Variants in PRMT8 observed in about 807,000 individuals in gnomAD.
PRMT8 encodes the protein protein arginine methyltransferase 8.
A neutral mutation model predicts 47.1 loss-of-function variants in PRMT8; 7 were observed. That is an observed-to-expected ratio of 0.15 (90% confidence interval 0.08 to 0.28). The LOEUF (loss-of-function observed/expected upper bound fraction) is 0.28. Among genes scored for constraint, PRMT8 ranks in the 10% least tolerant of loss-of-function variants. The probability of loss-of-function intolerance (pLI) is 1.00; values close to 1 mark genes in which losing one functional copy is unlikely to be tolerated. For missense variants in PRMT8, 237 were observed against 505.4 expected (o/e 0.47, Z 5.09); for synonymous variants, 188 against 186.5 (o/e 1.01, Z -0.07).
intron 7 of PRMT8, among the ~76,000 whole-genome samples, chr12:3,578,217 T>C (rs1011980327): frequency 4.6e-5 from 7 of 152,154 alleles, no homozygotes. Context: ...AACAGTTTCA[T>C]GTACCACAAG....
chr12:3,563,432 C>T (rs1184486392), intron 4 of PRMT8, among the ~76,000 whole-genome samples: 1 of 151,872 alleles, frequency 6.6e-6, no homozygotes. Flanking sequence ...TTCATGACAC[C>T]GGGGGCTCCC....
chr12:3,431,968 AT>A (rs1864684559), intron 1 of PRMT8, among the ~76,000 whole-genome samples: 1 of 152,212 alleles, frequency 6.6e-6, no homozygotes, highest in Admixed American at 6.5e-5. Context: ...AGGAGCAGGA[AT>A]TTTTGCTTAA....
intron 1 of PRMT8, among the ~76,000 whole-genome samples, chr12:3,427,406 C>T (rs1864616865): frequency 6.6e-6 from 1 of 151,902 alleles, no homozygotes; most frequent in Admixed American, 6.6e-5. Context: ...TGGATGATAC[C>T]CCTTTAACTT....
intron 1 of PRMT8, among the ~76,000 whole-genome samples, chr12:3,527,882 G>A (rs766188017): frequency 6.6e-5 from 10 of 151,612 alleles, no homozygotes; most frequent in East Asian, 5.8e-4. Flanking sequence ...TTACTTTACC[G>A]TCATTTCTGA....
At chr12:3,542,442 G>A (rs1192076765) in intron 2 of PRMT8, among the ~76,000 whole-genome samples, 3 of 152,334 alleles carry the variant, frequency 2.0e-5, no homozygotes, top group African/African-American at 7.2e-5. Flanking sequence ...TGGCCTGTGA[G>A]AGGCTCTTGG....
At chr12:3,470,115 A>T (rs1267797373) in intron 1 of PRMT8, among the ~76,000 whole-genome samples, 2 of 151,820 alleles carry the variant, frequency 1.3e-5, no homozygotes, top group Non-Finnish European at 2.9e-5. Context: ...ACGAATACAC[A>T]TAAAAAAAAA....
chr12:3,583,848 C>A lies in PRMT8; in HGVS notation c.979+640C>A, dbSNP rs144271378. Among the ~76,000 whole-genome samples the A allele has an allele frequency of 6.6e-6, 1 of 152,190 alleles. No individual in the cohort carries two copies. Among genetic ancestry groups the A allele is most frequent in the African/African-American group, 2.4e-5 (1 of 41,442 alleles). On this transcript the variant is annotated intron_variant, in intron 8 of 9. Transcript: ENST00000382622. The surrounding 1 kb of genome is among the most constrained non-coding windows in gnomAD (Gnocchi z 4.7). ...CTCATTCCTCACCACCCCTCTTGGC[C>A]GAGCCCTGTCCCGTCGCTGCTACCC...
intron 2 of PRMT8, among the ~76,000 whole-genome samples, chr12:3,549,463 C>T (rs1037247481): frequency 6.6e-6 from 1 of 151,614 alleles, no homozygotes; most frequent in South Asian, 2.1e-4. Context: ...CACTGCAAAG[C>T]CAATATGCTG....
At chr12:3,578,414 G>T (rs1344452198) in intron 7 of PRMT8, among the ~76,000 whole-genome samples, 3 of 151,690 alleles carry the variant, frequency 2.0e-5, no homozygotes, top group Admixed American at 2.0e-4. Context: ...TGTATTAATG[G>T]GGTTTGGCCA....
intron 1 of PRMT8, among the ~76,000 whole-genome samples, chr12:3,394,140 A>G (rs1300072703): frequency 6.7e-6 from 1 of 149,866 alleles, no homozygotes; most frequent in African/African-American, 2.4e-5. Flanking sequence ...TAGATATACA[A>G]TCATGTCCTC....
At chr12:3,394,853 G>T (rs1209821063) in intron 1 of PRMT8, among the ~76,000 whole-genome samples, 4 of 151,048 alleles carry the variant, frequency 2.6e-5, no homozygotes, top group African/African-American at 4.9e-5. Flanking sequence ...GACTCTTTTT[G>T]GTTGGTAAGC....
chr12:3,588,054 G>T (rs758939643), intron 8 of PRMT8, among the ~76,000 whole-genome samples: 4 of 152,208 alleles, frequency 2.6e-5, no homozygotes, highest in Non-Finnish European at 4.4e-5. Context: ...CCAGGTAGCA[G>T]GTGGAAGGGC....
At chr12:3,450,316 G>C (rs1290069478) in intron 1 of PRMT8, among the ~76,000 whole-genome samples, 1 of 152,160 alleles carries the variant, frequency 6.6e-6, no homozygotes, top group Non-Finnish European at 1.5e-5. Context: ...ACCCATATGA[G>C]ATTTTGTAAC....
chr12:3,562,828 C>T (rs938401288), intron 4 of PRMT8, among the ~76,000 whole-genome samples: 1 of 152,126 alleles, frequency 6.6e-6, no homozygotes, highest in Admixed American at 6.5e-5. Flanking sequence ...TATACATTCC[C>T]TCAGGTGGGA....
chr12:3,383,010 T>G (rs1298487667), intron 1 of PRMT8, among the ~76,000 whole-genome samples: 3 of 152,236 alleles, frequency 2.0e-5, no homozygotes, highest in Admixed American at 1.3e-4. Flanking sequence ...AAAAAATCAC[T>G]TATGCGTATT....
chr12:3,442,303 A>G (rs1650165104), intron 1 of PRMT8, among the ~76,000 whole-genome samples: 2 of 152,214 alleles, frequency 1.3e-5, no homozygotes, highest in Admixed American at 1.3e-4. Context: ...TTTGAACCGA[A>G]AAAACAGAAA....
chr12:3,527,662 A>G (rs1044489740), intron 1 of PRMT8, among the ~76,000 whole-genome samples: 3 of 152,140 alleles, frequency 2.0e-5, no homozygotes, highest in African/African-American at 7.2e-5. Context: ...AATTCTTACA[A>G]GATTTTTAAA....
At chr12:3,536,241 C>A (rs1866116147) in intron 1 of PRMT8, among the ~76,000 whole-genome samples, 1 of 152,224 alleles carries the variant, frequency 6.6e-6, no homozygotes, top group African/African-American at 2.4e-5. Context: ...GCTTCCCACC[C>A]ACTCCCAGCC....
At chr12:3,490,905 G>C (rs372992960), upstream of PRMT8, among the ~76,000 whole-genome samples, 1,203 of 152,064 alleles carry the variant, frequency 7.9e-3, 20 homozygotes, top group African/African-American at 0.027. Context: ...ACTGTGGCCC[G>C]GTCTCGCCCG....
Sources: gnomAD v4.1 joint callset for allele counts (sites outside exome capture counted in the v4.1 genomes callset) on GRCh38, gnomAD v4.1.1 for gene constraint, Gnocchi (gnomAD v3.1) non-coding constraint, MANE v1.5 for transcripts, NCBI Gene and HGNC (gene_info 2026-07-23, HGNC 2026-07-21) for gene names.